The following SVEP1 variants were observed in gnomAD, a reference collection of about 807,000 sequenced individuals.
SVEP1 encodes the protein sushi, von Willebrand factor type A, EGF and pentraxin domain containing 1, also known as sushi, von Willebrand factor type A, EGF and pentraxin domain-containing protein 1.
In SVEP1, 164 loss-of-function variants were observed where a neutral mutation model predicts 367.3. The observed-to-expected ratio is 0.45, with a 90% CI of 0.39 to 0.51. The LOEUF (loss-of-function observed/expected upper bound fraction) is 0.51. SVEP1 is among the 20% of genes least tolerant of loss of function. The probability of loss-of-function intolerance (pLI) is 0.00; values close to 1 mark genes in which losing one functional copy is unlikely to be tolerated. For synonymous variants in SVEP1, 1,666 were observed against 1,611.6 expected (o/e 1.03, Z -0.81); for missense variants, 4,117 against 4,425.3 (o/e 0.93, Z 1.98).
chr9:110,408,822 C>T lies in SVEP1; in HGVS notation c.6778G>A (p.Val2260Ile), dbSNP rs1189805262. ...GGAGGTTTTCCACAGTCGAGAGGAA[C>T]ACACATCAGAGGGGATTCACTGTGC... ...HWHSESPLMC[V>I]PLDCGKPPPI... The change falls in exon 38 of 48, where the codon GTT becomes ATT. Residue 2260 changes from valine (V) to isoleucine (I), a missense_variant. By Grantham distance (29) the Val-to-Ile change is conservative. Coordinates refer to ENST00000374469, the MANE Select transcript of SVEP1 (RefSeq NM_153366.4). The T allele has an allele frequency of 1.9e-6, 3 of 1,613,146 alleles. No homozygotes were observed. Among genetic ancestry groups the T allele is most frequent in the Admixed American group, 3.3e-5 (2 of 59,996 alleles).
At chr9:110,452,783 AATTG>A (rs1409026787) in intron 22 of SVEP1, among the ~76,000 whole-genome samples, 6 of 152,192 alleles carry the variant, frequency 3.9e-5, no homozygotes, top group Non-Finnish European at 8.8e-5. Flanking sequence ...TGTCCACTAT[AATTG>A]ATAGAGTATG....
chr9:110,565,910 C>T (rs1187144928), intron 1 of SVEP1, among the ~76,000 whole-genome samples: 1 of 151,852 alleles, frequency 6.6e-6, no homozygotes, highest in Non-Finnish European at 1.5e-5. Context: ...AGACTTTGGC[C>T]CAGACTGCCT....
chr9:110,554,048 T>C (rs916524566), intron 1 of SVEP1, among the ~76,000 whole-genome samples: 1 of 152,216 alleles, frequency 6.6e-6, no homozygotes, highest in Non-Finnish European at 1.5e-5. Context: ...GATAAGCAAT[T>C]TTCCTGCAAA....
At chr9:110,382,700 C>T (rs1235142501) in intron 43 of SVEP1, among the ~76,000 whole-genome samples, 3 of 152,132 alleles carry the variant, frequency 2.0e-5, no homozygotes, top group Admixed American at 6.6e-5. Context: ...TCAGGTACCC[C>T]GATCAATCAT....
At chr9:110,438,870 A>T (rs1189045080) in intron 27 of SVEP1, among the ~76,000 whole-genome samples, 2 of 152,196 alleles carry the variant, frequency 1.3e-5, no homozygotes, top group Admixed American at 1.3e-4. Context: ...AACTTTGCCA[A>T]TTTGATATAA....
intron 1 of SVEP1, among the ~76,000 whole-genome samples, chr9:110,552,246 G>A (rs1488523718): frequency 6.6e-6 from 1 of 151,712 alleles, no homozygotes; most frequent in African/African-American, 2.4e-5. Context: ...TGGCCAGGAT[G>A]GTCTTGATCT....
rs199682066 is a variant in SVEP1 at position 110,554,725 on chromosome 9, TGC to T, written c.532-4623_532-4622del. Among the ~76,000 whole-genome samples the T allele has an allele frequency of 4.5e-4, 61 of 134,484 alleles. No homozygotes were observed. In the East Asian group the frequency reaches 6.2e-3, roughly 14 times the overall value. 88.2% of individuals were successfully genotyped at this position (134,484 alleles called of 152,430 possible). A position where few individuals can be genotyped will look rare whatever the true frequency, so the allele number is the denominator to read the frequency against. On this transcript the variant is annotated intron_variant, in intron 1 of 47. Transcript: ENST00000374469. Reference sequence around the variant, plus strand: ...AGACATTTATGTGTATGTATAGATGTGCGTGTGTGTGTGTGTGTGTGTGTGTG... The same window carrying T: ...AGACATTTATGTGTATGTATAGATGTGTGTGTGTGTGTGTGTGTGTGTGTG...
chr9:110,415,415 T>C (rs1828105130), intron 36 of SVEP1, among the ~76,000 whole-genome samples: 1 of 152,048 alleles, frequency 6.6e-6, no homozygotes, highest in African/African-American at 2.4e-5. Flanking sequence ...AGGGCAATGG[T>C]CTGTGCTAGG....
At chr9:110,367,104 C>T (rs1274255551) in intron 47 of SVEP1, among the ~76,000 whole-genome samples, 1 of 152,208 alleles carries the variant, frequency 6.6e-6, no homozygotes, top group Non-Finnish European at 1.5e-5. Flanking sequence ...GGAAATTGCT[C>T]CATCTGTTAA....
intron 1 of SVEP1, among the ~76,000 whole-genome samples, chr9:110,568,714 A>G (rs779586914): frequency 6.6e-5 from 10 of 152,212 alleles, no homozygotes; most frequent in Non-Finnish European, 1.3e-4. Context: ...TGAACTACTG[A>G]AAATTTAAGA....
chr9:110,391,666 A>T lies in SVEP1; in HGVS notation c.9823-2079T>A, dbSNP rs181552962. ...TATTAACTACAAAATTGAGAGAGCG[A>T]TAATAGTGATTGCTCTCACTCTGAG... On this transcript the variant is annotated intron_variant, in intron 40 of 47. Transcript: ENST00000374469. 4.6e-3 allele frequency among the ~76,000 whole-genome samples: 700 copies of T among 152,298 alleles called. 3 individuals carry two copies. Among genetic ancestry groups the T allele is most frequent in the African/African-American group, 0.016 (668 of 41,560 alleles).
intron 40 of SVEP1, among the ~76,000 whole-genome samples, chr9:110,390,353 A>ATATAAGTATATATATACT (rs1554710778): frequency 5.8e-5 from 3 of 51,488 alleles, no homozygotes; most frequent in Non-Finnish European, 1.4e-4. Flanking sequence ...ATATACACTT[A>ATATAAGTATATATATACT]TATATATATA....
intron 3 of SVEP1, among the ~76,000 whole-genome samples, chr9:110,518,054 G>A (rs924479920): frequency 6.6e-6 from 1 of 152,036 alleles, no homozygotes. Context: ...AGGCTTTCAG[G>A]TTTGTTTATT....
intron 37 of SVEP1, among the ~76,000 whole-genome samples, chr9:110,410,751 T>C (rs1828032024): frequency 6.6e-6 from 1 of 152,206 alleles, no homozygotes; most frequent in Non-Finnish European, 1.5e-5. Flanking sequence ...ATTGCCCCGC[T>C]TCTGAATAGT....
chr9:110,555,554 G>C (rs977099560), intron 1 of SVEP1, among the ~76,000 whole-genome samples: 23 of 152,070 alleles, frequency 1.5e-4, no homozygotes, highest in South Asian at 4.2e-4. Flanking sequence ...TCCACATTAG[G>C]ATTTAGCAGT....
intron 5 of SVEP1, among the ~76,000 whole-genome samples, chr9:110,505,392 G>A (rs1174293862): frequency 1.3e-5 from 2 of 152,152 alleles, no homozygotes; most frequent in African/African-American, 4.8e-5. Flanking sequence ...TTATCCACAT[G>A]TAGCTGTGTT....
intron 3 of SVEP1, among the ~76,000 whole-genome samples, chr9:110,528,150 GTGTGTGTATATATATA>G (rs1259077448): frequency 4.7e-5 from 2 of 42,716 alleles, no homozygotes; most frequent in Non-Finnish European, 9.5e-5. Flanking sequence ...GTGTGTGTGT[GTGTGTGTATATATATA>G]TATATATATA....
At chr9:110,512,490 A>G (rs1303251182) in intron 5 of SVEP1, among the ~76,000 whole-genome samples, 1 of 152,040 alleles carries the variant, frequency 6.6e-6, no homozygotes, top group Non-Finnish European at 1.5e-5. Flanking sequence ...TCTACTTTCT[A>G]TAACGGGTCG....
chr9:110,458,617 T>C, intron 19 of SVEP1, 55 bp from the exon 20 acceptor site: 1 of 1,481,208 alleles, frequency 6.8e-7, no homozygotes, highest in South Asian at 1.2e-5. Context: ...GTAAGTGGAC[T>C]ATATCTAACA....
Sources: gnomAD v4.1 joint callset for allele counts (sites outside exome capture counted in the v4.1 genomes callset) on GRCh38, gnomAD v4.1.1 for gene constraint, MANE v1.5 for transcripts, NCBI Gene and HGNC (gene_info 2026-07-23, HGNC 2026-07-21) for gene names.